AGBL1: variants seen among roughly 807,000 people sequenced by gnomAD.
The protein encoded by AGBL1 is AGBL carboxypeptidase 1.
In AGBL1, 130 loss-of-function variants were observed where a neutral mutation model predicts 118.9. The observed-to-expected ratio is 1.09, with a 90% CI of 0.95 to 1.26. AGBL1 has a LOEUF of 1.26. Ranked by LOEUF, AGBL1 falls within the 50% of genes most tolerant of loss-of-function variation. The probability of loss-of-function intolerance (pLI) is 0.00; values close to 1 mark genes in which losing one functional copy is unlikely to be tolerated. For synonymous variants in AGBL1, 555 were observed against 478.9 expected (o/e 1.16, Z -2.08); for missense variants, 1,584 against 1,298.1 (o/e 1.22, Z -3.38).
chr15:86,876,063 A>G (rs1204487245), intron 22 of AGBL1, among the ~76,000 whole-genome samples: 2 of 152,162 alleles, frequency 1.3e-5, no homozygotes, highest in Non-Finnish European at 2.9e-5. Context: ...TGTCACTAAG[A>G]ATAAGAGAAT....
intron 18 of AGBL1, among the ~76,000 whole-genome samples, chr15:86,505,966 C>A (rs1451627044): frequency 6.6e-6 from 1 of 152,062 alleles, no homozygotes; most frequent in Admixed American, 6.6e-5. Context: ...TTGAAGTAAT[C>A]CGTAAAGTCT....
At chr15:86,103,386 T>C (rs78896285) in intron 1 of AGBL1, among the ~76,000 whole-genome samples, 2,486 of 152,340 alleles carry the variant, frequency 0.016, 37 homozygotes, top group South Asian at 0.075. Context: ...AGAATTATTA[T>C]CTTTTTTTGG....
chr15:86,684,441 T>G (rs16977928), intron 22 of AGBL1, among the ~76,000 whole-genome samples: 14,939 of 151,362 alleles, frequency 0.099, 890 homozygotes, highest in African/African-American at 0.16. Flanking sequence ...CTCACTTTAG[T>G]TAGTACCTAG....
chr15:86,943,047 T>A (rs2080774700), intron 23 of AGBL1, among the ~76,000 whole-genome samples: 1 of 152,190 alleles, frequency 6.6e-6, no homozygotes, highest in Non-Finnish European at 1.5e-5. Flanking sequence ...TTTTGTAACG[T>A]CATTACCCTA....
At chr15:86,441,681 G>C (rs2082066392) in intron 18 of AGBL1, among the ~76,000 whole-genome samples, 1 of 152,174 alleles carries the variant, frequency 6.6e-6, no homozygotes, top group Admixed American at 6.5e-5. Context: ...GAAGAGGTTG[G>C]GTAGCTTCCC....
chr15:86,343,146 C>T (rs1567208691), intron 17 of AGBL1, among the ~76,000 whole-genome samples: 1 of 152,124 alleles, frequency 6.6e-6, no homozygotes, highest in African/African-American at 2.4e-5. Context: ...TATTCTCTAG[C>T]CCTGGAGAGT....
At chr15:86,845,215 C>G (rs183506432) in intron 22 of AGBL1, among the ~76,000 whole-genome samples, 40 of 152,140 alleles carry the variant, frequency 2.6e-4, no homozygotes, top group African/African-American at 6.3e-4. Context: ...TGATATATAT[C>G]ACTTCGAATG....
At chr15:86,506,249 C>T (rs1349604320) in intron 18 of AGBL1, among the ~76,000 whole-genome samples, 3 of 151,864 alleles carry the variant, frequency 2.0e-5, no homozygotes, top group Non-Finnish European at 4.4e-5. Flanking sequence ...TGCACATAGC[C>T]CTGAGTGTAC....
intron 18 of AGBL1, among the ~76,000 whole-genome samples, chr15:86,459,995 C>T (rs2082311146): frequency 6.6e-6 from 1 of 152,066 alleles, no homozygotes; most frequent in South Asian, 2.1e-4. Flanking sequence ...ATGGCAAAAT[C>T]TTCCTGCTTC....
intron 18 of AGBL1, among the ~76,000 whole-genome samples, chr15:86,478,986 G>C (rs1021942245): frequency 1.1e-4 from 16 of 152,196 alleles, no homozygotes; most frequent in African/African-American, 3.9e-4. Flanking sequence ...ATGGGGAAAG[G>C]ATTCCCTGTT....
In AGBL1 at chr15:87,005,681, T is replaced by C. The variant is rs551465613; in HGVS notation, c.3323+17593T>C. ...AAGTTTGATCATCTGAAGCCTTCTT[T>C]TCTCTACTTGTCAAAGTCATTCTCT... On this transcript the variant is annotated intron_variant, in intron 24 of 24. Transcript: ENST00000441037. Among the ~76,000 whole-genome samples the C allele has an allele frequency of 6.7e-4, 102 of 152,320 alleles. 1 individual carries two copies. Among genetic ancestry groups the C allele is most frequent in the South Asian group, 1.7e-3 (8 of 4,826 alleles).
intron 22 of AGBL1, among the ~76,000 whole-genome samples, chr15:86,682,611 A>G (rs2085980955): frequency 6.6e-6 from 1 of 152,176 alleles, no homozygotes; most frequent in East Asian, 1.9e-4. Context: ...GACAATAAAC[A>G]TAACAGAAAA....
At chr15:86,461,222 C>A (rs767455954) in intron 18 of AGBL1, among the ~76,000 whole-genome samples, 2 of 152,106 alleles carry the variant, frequency 1.3e-5, no homozygotes, top group Non-Finnish European at 2.9e-5. Flanking sequence ...GGGGTACCAA[C>A]ACTCTAGAAA....
intron 22 of AGBL1, among the ~76,000 whole-genome samples, chr15:86,802,843 C>T (rs1166694503): frequency 6.6e-6 from 1 of 152,058 alleles, no homozygotes; most frequent in Non-Finnish European, 1.5e-5. Context: ...TGCAATTGTC[C>T]CTTAACCTTT....
intron 22 of AGBL1, among the ~76,000 whole-genome samples, chr15:86,688,011 G>T (rs996526308): frequency 6.6e-6 from 1 of 152,084 alleles, no homozygotes. Context: ...CCTAACTTTT[G>T]TTAGCAGCAG....
At chr15:86,508,807 A>T (rs1228648207) in intron 18 of AGBL1, among the ~76,000 whole-genome samples, 1 of 152,172 alleles carries the variant, frequency 6.6e-6, no homozygotes, top group Non-Finnish European at 1.5e-5. Context: ...ATCTGTAGTT[A>T]AGCGAAAATT....
At chr15:86,206,735 A>T (rs2077999264) in intron 5 of AGBL1, among the ~76,000 whole-genome samples, 1 of 152,168 alleles carries the variant, frequency 6.6e-6, no homozygotes, top group African/African-American at 2.4e-5. Flanking sequence ...GGTAGATTGC[A>T]AAAATTTTCT....
chr15:87,028,795 GTAAT>G, intron 24 of AGBL1: 1 of 1,596,770 alleles, frequency 6.3e-7, no homozygotes, highest in South Asian at 1.1e-5. Flanking sequence ...TTCAAGCATA[GTAAT>G]TAATATATTT....
At chr15:86,515,775 T>C (rs16977622) in intron 18 of AGBL1, among the ~76,000 whole-genome samples, 42,105 of 152,110 alleles carry the variant, frequency 0.28, 7,421 homozygotes, top group East Asian at 0.58. Context: ...CAGTTGTTGG[T>C]CTTGTGAACA....
Sources: allele counts gnomAD v4.1 joint callset (sites outside exome capture counted in the v4.1 genomes callset), GRCh38; gene constraint gnomAD v4.1.1; transcripts MANE v1.5; gene names NCBI Gene and HGNC (gene_info 2026-07-23, HGNC 2026-07-21).